Variants in ROBO1 observed in about 807,000 individuals in gnomAD.
The protein encoded by ROBO1 is roundabout guidance receptor 1.
A neutral mutation model predicts 195.9 loss-of-function variants in ROBO1; 149 were observed. The ratio of observed to expected loss-of-function variants is 0.76; its 90% CI spans 0.67 to 0.87. The LOEUF (loss-of-function observed/expected upper bound fraction) is 0.87. ROBO1 is among the 40% of genes least tolerant of loss of function. The probability of loss-of-function intolerance (pLI) is 0.00; values close to 1 mark genes in which losing one functional copy is unlikely to be tolerated. For synonymous variants in ROBO1, 816 were observed against 733.2 expected (o/e 1.11, Z -1.82); for missense variants, 1,933 against 2,068.3 (o/e 0.93, Z 1.27).
chr3:78,617,317 G>T (rs1029406753), intron 27 of ROBO1, among the ~76,000 whole-genome samples: 6 of 152,034 alleles, frequency 3.9e-5, no homozygotes, highest in Non-Finnish European at 7.4e-5. Context: ...ATAGTTTAAA[G>T]AAATTATATC....
chr3:79,184,407 T>A (rs1159279724), intron 2 of ROBO1, among the ~76,000 whole-genome samples: 1 of 152,154 alleles, frequency 6.6e-6, no homozygotes, highest in Admixed American at 6.6e-5. Flanking sequence ...GACAGCAACA[T>A]GCTGTCAACT....
intron 3 of ROBO1, among the ~76,000 whole-genome samples, chr3:79,006,571 A>C (rs2108173143): frequency 6.6e-6 from 1 of 152,238 alleles, no homozygotes; most frequent in African/African-American, 2.4e-5. Flanking sequence ...ATTGTATTTA[A>C]AAACGCAGAA....
intron 2 of ROBO1, among the ~76,000 whole-genome samples, chr3:79,438,268 G>T (rs1402961011): frequency 1.3e-5 from 2 of 151,840 alleles, no homozygotes; most frequent in African/African-American, 4.8e-5. Context: ...AGTTTTGAAA[G>T]TCTTGATCTT....
At chr3:79,710,525 G>T (rs2107224002) in intron 1 of ROBO1, among the ~76,000 whole-genome samples, 1 of 152,248 alleles carries the variant, frequency 6.6e-6, no homozygotes, top group Middle Eastern at 3.4e-3. Context: ...AAATGTGCAA[G>T]CATTTCCCAT....
At chr3:79,560,264 T>C (rs943807574) in intron 2 of ROBO1, among the ~76,000 whole-genome samples, 2 of 150,354 alleles carry the variant, frequency 1.3e-5, no homozygotes, top group Non-Finnish European at 2.9e-5. Flanking sequence ...ATCATCATTC[T>C]CAGTAAACTA....
chr3:79,604,167 T>G (rs1475913163), intron 1 of ROBO1, among the ~76,000 whole-genome samples: 1 of 151,984 alleles, frequency 6.6e-6, no homozygotes, highest in Non-Finnish European at 1.5e-5. Context: ...CTTGAGTTAC[T>G]CCTATTTTAG....
chr3:79,535,695 T>C (rs75870962), intron 2 of ROBO1, among the ~76,000 whole-genome samples: 2,105 of 152,216 alleles, frequency 0.014, 47 homozygotes, highest in African/African-American at 0.048. Context: ...ATAAAATAGA[T>C]TGAGGAGATT....
rs72903955 is a variant in ROBO1 at position 79,559,416 on chromosome 3, A to G, written c.88+30408T>C. 6.7e-3 allele frequency among the ~76,000 whole-genome samples: 1,020 copies of G among 152,294 alleles called. 8 individuals carry two copies. The highest frequency in any genetic ancestry group is 0.023 in the African/African-American group (959 of 41,566). ...TGTAATATGTCTTAGATAAAAACCT[A>G]CTATAGGGAAAAAAGAAGATGAAGT... On this transcript the variant is annotated intron_variant, in intron 2 of 30. Transcript: ENST00000464233.
intron 1 of ROBO1, among the ~76,000 whole-genome samples, chr3:79,669,305 G>A (rs1322339901): frequency 6.6e-6 from 1 of 151,714 alleles, no homozygotes; most frequent in African/African-American, 2.4e-5. Context: ...GATTGTGAGG[G>A]CTCCCCAGCC....
At position 79,669,737 on chromosome 3, in the gene ROBO1, G is replaced by GA. The variant is rs781303657; in HGVS notation, c.-50-79777dup. On this transcript the variant is annotated intron_variant, in intron 1 of 30. Transcript: ENST00000464233. ...CCCTAGTCACTATCATACCTAGGGA[G>GA]AAAAAAGGATAAAAGGGAGATCAAA... Among the ~76,000 whole-genome samples, 17 of 151,802 alleles carry GA rather than the reference G, an allele frequency of 1.1e-4. No individual in the cohort carries two copies. The East Asian group carries it at 3.3e-3, about 30-fold the overall frequency.
intron 2 of ROBO1, among the ~76,000 whole-genome samples, chr3:79,196,006 T>C (rs1016157957): frequency 6.6e-6 from 1 of 151,552 alleles, no homozygotes; most frequent in Non-Finnish European, 1.5e-5. Flanking sequence ...TAAGGACTTA[T>C]TGAGCACCTA....
chr3:78,722,191 T>C (rs190684518), intron 5 of ROBO1, among the ~76,000 whole-genome samples: 51 of 152,246 alleles, frequency 3.3e-4, no homozygotes, highest in African/African-American at 1.2e-3. Context: ...TGAATATAGA[T>C]AGAAAAACTG....
intron 3 of ROBO1, among the ~76,000 whole-genome samples, chr3:79,124,780 T>C (rs183492615): frequency 6.6e-6 from 1 of 152,306 alleles, no homozygotes; most frequent in East Asian, 1.9e-4. Context: ...TATCTCAGAG[T>C]TAGAGATATA....
At chr3:78,793,303 T>G (rs1008838196) in intron 4 of ROBO1, among the ~76,000 whole-genome samples, 4 of 152,202 alleles carry the variant, frequency 2.6e-5, no homozygotes, top group African/African-American at 9.6e-5. Flanking sequence ...TAACAAAGAA[T>G]GCATAGCAGA....
At chr3:79,611,539 A>G (rs1944657394) in intron 1 of ROBO1, among the ~76,000 whole-genome samples, 1 of 152,142 alleles carries the variant, frequency 6.6e-6, no homozygotes, top group Non-Finnish European at 1.5e-5. Context: ...CATATACACT[A>G]TGGAATACTA....
intron 4 of ROBO1, among the ~76,000 whole-genome samples, chr3:78,854,480 AAC>A (rs1576294558): frequency 6.6e-6 from 1 of 151,300 alleles, no homozygotes; most frequent in East Asian, 1.9e-4. Context: ...ATAATCACTT[AAC>A]AGTCAAGTAA....
At chr3:79,205,032 G>T (rs761889992) in intron 2 of ROBO1, among the ~76,000 whole-genome samples, 23 of 151,826 alleles carry the variant, frequency 1.5e-4, no homozygotes, top group Admixed American at 5.3e-4. Context: ...TCACTCTGTC[G>T]CCTAGGCTGG....
In ROBO1 at chr3:78,972,803, C is replaced by T. The variant is rs73120664; in HGVS notation, c.173-33876G>A. Among the ~76,000 whole-genome samples, 993 of 152,218 alleles carry T rather than the reference C, an allele frequency of 6.5e-3. 4 individuals are homozygous for T. Among genetic ancestry groups the T allele is most frequent in the Non-Finnish European group, 0.01 (703 of 68,026 alleles). ...CACAGTGGTAAGCAAAGGCCTCAGG[C>T]TGGTGATACCAATTACTGGTACCAG... On this transcript the variant is annotated intron_variant, in intron 3 of 30. Transcript: ENST00000464233.
intron 3 of ROBO1, among the ~76,000 whole-genome samples, chr3:79,043,424 A>G (rs1482255791): frequency 6.6e-6 from 1 of 152,098 alleles, no homozygotes; most frequent in African/African-American, 2.4e-5. Context: ...TTATTGAAAC[A>G]ATCCTTTGGA....
Sources: gnomAD v4.1 joint callset for allele counts (sites outside exome capture counted in the v4.1 genomes callset) on GRCh38, gnomAD v4.1.1 for gene constraint, MANE v1.5 for transcripts, NCBI Gene and HGNC (gene_info 2026-07-23, HGNC 2026-07-21) for gene names.